FAM53B: variants seen among roughly 807,000 people sequenced by gnomAD.
The protein encoded by FAM53B is family with sequence similarity 53 member B, also known as protein FAM53B.
In FAM53B, 12 loss-of-function variants were observed where a neutral mutation model predicts 32.7. That is an observed-to-expected ratio of 0.37 (90% CI 0.24 to 0.59). The LOEUF (loss-of-function observed/expected upper bound fraction) is 0.59. Among genes scored for constraint, FAM53B ranks in the 20% least tolerant of loss-of-function variants. The pLI is 0.72. For synonymous variants in FAM53B, 234 were observed against 228.7 expected (o/e 1.02, Z -0.21); for missense variants, 477 against 577.7 (o/e 0.83, Z 1.79).
chr10:124,735,062 G>T (rs1198107866), intron 1 of FAM53B, among the ~76,000 whole-genome samples: 5 of 152,168 alleles, frequency 3.3e-5, no homozygotes, highest in Non-Finnish European at 7.3e-5. Flanking sequence ...AGGCGCTCCA[G>T]CTGCAACCAC....
At chr10:124,653,544 G>C (rs1390859004) in intron 4 of FAM53B, among the ~76,000 whole-genome samples, 1 of 152,230 alleles carries the variant, frequency 6.6e-6, no homozygotes, top group Non-Finnish European at 1.5e-5. Flanking sequence ...CACTGGCCCA[G>C]CTGACGGCAC....
At chr10:124,681,016 G>A (rs1949767060) in intron 4 of FAM53B, among the ~76,000 whole-genome samples, 1 of 152,244 alleles carries the variant, frequency 6.6e-6, no homozygotes, top group Non-Finnish European at 1.5e-5. Context: ...TAAAGTCCAA[G>A]TGACAGGGGC....
intron 4 of FAM53B, among the ~76,000 whole-genome samples, chr10:124,668,979 C>T (rs966490111): frequency 1.3e-5 from 2 of 152,212 alleles, no homozygotes; most frequent in African/African-American, 4.8e-5. Context: ...GTGCTGCCTC[C>T]GGAGCAGCTG....
In FAM53B at chr10:124,733,445, G is replaced by A. The variant is rs562215717; in HGVS notation, c.-175+10568C>T. On this transcript the variant is annotated intron_variant, in intron 1 of 4. Transcript: ENST00000337318. This position sits in a 1 kb window ranked among gnomAD's most constrained non-coding sequence, Gnocchi z 4.3. ...CCTTTGAGAACACTAGTGAGAACAG[G>A]CTATGACAGAGCCCAGGGGGCACCG... Among the ~76,000 whole-genome samples, 1 of 152,302 alleles carries A rather than the reference G, an allele frequency of 6.6e-6. No individual in the cohort carries two copies. The highest frequency in any genetic ancestry group is 2.4e-5 in the African/African-American group (1 of 41,568).
In FAM53B at chr10:124,619,391, G is replaced by A. The variant is rs1225864701; in HGVS notation, c.*3851C>T. On this transcript the variant is annotated 3_prime_UTR_variant, in exon 5 of 5. Coordinates refer to ENST00000337318, the MANE Select transcript of FAM53B (RefSeq NM_014661.4). ...GAGTGCAAGCCACAGCCTGTGCGGG[G>A]AGGCCAGGCTGCAGGGGCGGGCAGA... The A allele has an allele frequency of 6.6e-6, 1 of 152,476 alleles. No individual in the cohort carries two copies. Among genetic ancestry groups the A allele is most frequent in the African/African-American group, 2.4e-5 (1 of 41,408 alleles). The allele number at this position is 152,476 out of a possible 1,614,324, so 9.4% of individuals were successfully genotyped here.
chr10:124,720,619 C>G (rs1281588368), intron 1 of FAM53B, among the ~76,000 whole-genome samples: 1 of 152,184 alleles, frequency 6.6e-6, no homozygotes, highest in African/African-American at 2.4e-5. Flanking sequence ...GCTGGATGAA[C>G]AGTTAACAGC....
At chr10:124,712,000 A>C (rs1167814639) in intron 1 of FAM53B, among the ~76,000 whole-genome samples, 2 of 152,186 alleles carry the variant, frequency 1.3e-5, no homozygotes, top group African/African-American at 4.8e-5. Flanking sequence ...TTTGAAGTTG[A>C]AATGAGCTAT....
intron 4 of FAM53B, among the ~76,000 whole-genome samples, chr10:124,664,226 G>T (rs1427735566): frequency 1.3e-5 from 2 of 152,216 alleles, no homozygotes; most frequent in Admixed American, 1.3e-4. Context: ...GACACCAGCA[G>T]ATCAAGCACA....
chr10:124,657,742 G>A (rs1402867877), intron 4 of FAM53B, among the ~76,000 whole-genome samples: 1 of 152,196 alleles, frequency 6.6e-6, no homozygotes, highest in African/African-American at 2.4e-5. Context: ...AGCATTTGTT[G>A]TGTGCTGTTA....
chr10:124,658,317 C>A (rs1026285092), intron 4 of FAM53B, among the ~76,000 whole-genome samples: 4 of 152,194 alleles, frequency 2.6e-5, no homozygotes, highest in Non-Finnish European at 5.9e-5. Context: ...TCCAGAAGCG[C>A]CCCAGGTCAC....
chr10:124,652,502 G>GT (rs1291289564), intron 4 of FAM53B, among the ~76,000 whole-genome samples: 4 of 152,160 alleles, frequency 2.6e-5, no homozygotes, highest in African/African-American at 7.2e-5. Context: ...GTCACCCACG[G>GT]TGATAACCCT....
intron 1 of FAM53B, among the ~76,000 whole-genome samples, chr10:124,719,658 T>G (rs778567832): frequency 6.6e-6 from 1 of 152,206 alleles, no homozygotes; most frequent in Non-Finnish European, 1.5e-5. Flanking sequence ...TGGAGCCATC[T>G]GAACCAGGCT....
intron 4 of FAM53B, among the ~76,000 whole-genome samples, chr10:124,639,477 C>A (rs2134043503): frequency 6.6e-6 from 1 of 152,256 alleles, no homozygotes; most frequent in South Asian, 2.1e-4. Flanking sequence ...ACGAGGCAGA[C>A]CTCTCGAGGC....
At chr10:124,640,295 C>T (rs1949462126) in intron 4 of FAM53B, among the ~76,000 whole-genome samples, 1 of 152,222 alleles carries the variant, frequency 6.6e-6, no homozygotes, top group South Asian at 2.1e-4. Flanking sequence ...GCACCCTCAG[C>T]CTGCACAGCT....
intron 1 of FAM53B, among the ~76,000 whole-genome samples, chr10:124,726,293 C>T (rs1950102863): frequency 6.6e-6 from 1 of 152,204 alleles, no homozygotes; most frequent in Non-Finnish European, 1.5e-5. Context: ...CCACCCCCAG[C>T]ATGTCCTCTG....
chr10:124,670,157 T>C (rs1456805115), intron 4 of FAM53B, among the ~76,000 whole-genome samples: 1 of 151,782 alleles, frequency 6.6e-6, no homozygotes, highest in Non-Finnish European at 1.5e-5. Context: ...GGGCGGGCGG[T>C]GACACTCATC....
intron 1 of FAM53B, among the ~76,000 whole-genome samples, chr10:124,743,231 C>G (rs997805943): frequency 6.6e-6 from 1 of 152,240 alleles, no homozygotes; most frequent in Non-Finnish European, 1.5e-5. Context: ...GTCCTCGTTT[C>G]TTTCGTCTCT....
chr10:124,696,099 C>T (rs1949867755), intron 3 of FAM53B, 59 bp downstream of exon 3: 1 of 1,444,040 alleles, frequency 6.9e-7, no homozygotes, highest in Admixed American at 1.7e-5. Flanking sequence ...ACCTGGAGGA[C>T]TCAGACCCTG....
At chr10:124,661,070 A>C (rs1001742275) in intron 4 of FAM53B, among the ~76,000 whole-genome samples, 7 of 151,880 alleles carry the variant, frequency 4.6e-5, no homozygotes, top group Admixed American at 1.3e-4. Context: ...AAAAAAAAAA[A>C]AAAAAAACAG....
Sources: gnomAD v4.1 joint callset for allele counts (sites outside exome capture counted in the v4.1 genomes callset) on GRCh38, gnomAD v4.1.1 for gene constraint, Gnocchi (gnomAD v3.1) non-coding constraint, MANE v1.5 for transcripts, NCBI Gene and HGNC (gene_info 2026-07-23, HGNC 2026-07-21) for gene names.